Variants in GALNT13 observed in about 807,000 individuals in gnomAD.
GALNT13 encodes the protein polypeptide N-acetylgalactosaminyltransferase 13, also known as UDP-GalNAc:polypeptide N-acetylgalactosaminyltransferase 13.
A neutral mutation model predicts 64.2 loss-of-function variants in GALNT13; 28 were observed. The ratio of observed to expected loss-of-function variants is 0.44; its 90% confidence interval spans 0.32 to 0.60. The LOEUF is 0.60. Among genes scored for constraint, GALNT13 ranks in the 20% least tolerant of loss-of-function variants. The pLI, the probability that GALNT13 is intolerant of heterozygous loss-of-function variation, is 0.05. For synonymous variants in GALNT13, 214 were observed against 224.6 expected, an observed-to-expected ratio of 0.95 and a Z score of 0.42; for missense variants, 577 against 669.8, an observed-to-expected ratio of 0.86 and a Z score of 1.53.
At chr2:153,432,263 CTG>C in the GALNT13 span, among the ~76,000 whole-genome samples, 9 of 152,144 alleles carry the variant, frequency 5.9e-5, no homozygotes, top group African/African-American at 1.9e-4. Context: ...ATTCCAAAGA[CTG>C]TGAACAACAA....
At chr2:154,385,556 A>T (rs1355043015) in intron 9 of GALNT13, among the ~76,000 whole-genome samples, 3 of 152,042 alleles carry the variant, frequency 2.0e-5, no homozygotes, top group Non-Finnish European at 4.4e-5. Context: ...AAGTTATTTA[A>T]CCATTCAAAG....
chr2:153,184,770 G>C, the GALNT13 span, among the ~76,000 whole-genome samples: 1 of 152,226 alleles, frequency 6.6e-6, no homozygotes, highest in Admixed American at 6.5e-5. Context: ...CATATTTATT[G>C]ATTTGCATAT....
the GALNT13 span, among the ~76,000 whole-genome samples, chr2:153,849,711 G>T: frequency 6.6e-6 from 1 of 152,104 alleles, no homozygotes; most frequent in Non-Finnish European, 1.5e-5. Flanking sequence ...AAGAAGTTCA[G>T]GGAGGGCATG....
At chr2:153,743,630 A>C in the GALNT13 span, among the ~76,000 whole-genome samples, 2 of 152,282 alleles carry the variant, frequency 1.3e-5, no homozygotes, top group South Asian at 2.1e-4. Context: ...ACATAGTAGA[A>C]AAGGGTTACC....
chr2:153,439,153 A>T, the GALNT13 span, among the ~76,000 whole-genome samples: 1 of 152,134 alleles, frequency 6.6e-6, no homozygotes, highest in Admixed American at 6.5e-5. Context: ...TGAACCGCAA[A>T]TGCTGCTGCC....
intron 10 of GALNT13, among the ~76,000 whole-genome samples, chr2:154,399,345 A>C (rs1699196128): frequency 6.6e-6 from 1 of 152,166 alleles, no homozygotes; most frequent in African/African-American, 2.4e-5. Context: ...TATAAATAAT[A>C]TAAATTTATT....
the GALNT13 span, among the ~76,000 whole-genome samples, chr2:153,353,283 GTTTTACACACTAGTC>G: frequency 6.6e-6 from 1 of 152,002 alleles, no homozygotes; most frequent in Admixed American, 6.5e-5. Context: ...AAGTGATTGG[GTTTTACACACTAGTC>G]TTGCATTCTG....
At chr2:153,558,840 T>C in the GALNT13 span, among the ~76,000 whole-genome samples, 31 of 152,234 alleles carry the variant, frequency 2.0e-4, no homozygotes. Context: ...TTCACTTTGT[T>C]TCTTTCCAAC....
chr2:153,243,532 T>C, the GALNT13 span, among the ~76,000 whole-genome samples: 1 of 149,664 alleles, frequency 6.7e-6, no homozygotes, highest in African/African-American at 2.6e-5. Flanking sequence ...CATTGTAACA[T>C]GTAATTCAGA....
the GALNT13 span, among the ~76,000 whole-genome samples, chr2:153,328,925 G>A: frequency 6.6e-6 from 1 of 152,178 alleles, no homozygotes; most frequent in East Asian, 1.9e-4. Flanking sequence ...GAAAACCAGG[G>A]CTCTGTTGGT....
At chr2:154,242,256 T>C in intron 5 of GALNT13, 60 bp downstream of exon 5, 1 of 1,484,606 alleles carries the variant, frequency 6.7e-7, no homozygotes, top group South Asian at 1.2e-5. Flanking sequence ...TTTGTTTTTT[T>C]GTATTAGAAA....
At chr2:153,758,592 G>A in the GALNT13 span, among the ~76,000 whole-genome samples, 1 of 151,944 alleles carries the variant, frequency 6.6e-6, no homozygotes, top group Non-Finnish European at 1.5e-5. Context: ...GGGACAGTTT[G>A]TTTATTTATT....
intron 3 of GALNT13, among the ~76,000 whole-genome samples, chr2:153,982,961 A>G (rs12614166): frequency 0.048 from 7,345 of 152,056 alleles, 237 homozygotes; most frequent in South Asian, 0.11. Flanking sequence ...GAAGAGAAAA[A>G]CACAGAAGGA....
chr2:153,316,935 G>C, the GALNT13 span, among the ~76,000 whole-genome samples: 1 of 152,084 alleles, frequency 6.6e-6, no homozygotes, highest in East Asian at 1.9e-4. Context: ...AGTGCAATTT[G>C]TCAAAATTAA....
At chr2:154,425,656 C>T (rs1490895562) in intron 11 of GALNT13, among the ~76,000 whole-genome samples, 1 of 152,062 alleles carries the variant, frequency 6.6e-6, no homozygotes, top group Non-Finnish European at 1.5e-5. Flanking sequence ...GATAAGTTGC[C>T]AGAAGACCAT....
chr2:153,360,745 G>T, the GALNT13 span, among the ~76,000 whole-genome samples: 2 of 152,130 alleles, frequency 1.3e-5, no homozygotes, highest in African/African-American at 4.8e-5. Flanking sequence ...CTAGGGGGAG[G>T]GGTGGCCATA....
At chr2:154,135,162 C>T (rs1462793485) in intron 3 of GALNT13, among the ~76,000 whole-genome samples, 2 of 152,036 alleles carry the variant, frequency 1.3e-5, no homozygotes, top group Non-Finnish European at 2.9e-5. Context: ...ATAGTGGCTT[C>T]CTCCTTTGCT....
chr2:153,168,884 C>T, the GALNT13 span, among the ~76,000 whole-genome samples: 1 of 152,126 alleles, frequency 6.6e-6, no homozygotes, highest in Non-Finnish European at 1.5e-5. Flanking sequence ...TTTTCCTGTG[C>T]TTCCAGATTG....
the GALNT13 span, among the ~76,000 whole-genome samples, chr2:153,483,967 CA>C: frequency 6.6e-6 from 1 of 151,866 alleles, no homozygotes; most frequent in African/African-American, 2.4e-5. Flanking sequence ...GATGGTTGCA[CA>C]AAAATATGAA....
Sources: gnomAD v4.1 joint callset for allele counts (sites outside exome capture counted in the v4.1 genomes callset) on GRCh38, gnomAD v4.1.1 for gene constraint, MANE v1.5 for transcripts, NCBI Gene and HGNC (gene_info 2026-07-23, HGNC 2026-07-21) for gene names.